Variants in GFRA2 observed in about 807,000 individuals in gnomAD.
The protein encoded by GFRA2 is GDNF family receptor alpha-2.
GFRA2 carries 17 observed loss-of-function variants against 48.3 expected under a neutral mutation model. The ratio of observed to expected loss-of-function variants is 0.35; its 90% CI spans 0.24 to 0.53. The LOEUF is 0.53. Among genes scored for constraint, GFRA2 ranks in the 20% least tolerant of loss-of-function variants. The pLI is 0.93. For missense variants in GFRA2, 660 were observed against 637.3 expected (o/e 1.04, Z -0.38); for synonymous variants, 305 against 257.2 (o/e 1.19, Z -1.78).
intron 4 of GFRA2, among the ~76,000 whole-genome samples, chr8:21,716,518 T>C (rs1186705658): frequency 1.3e-5 from 2 of 151,908 alleles, no homozygotes; most frequent in Non-Finnish European, 2.9e-5. Flanking sequence ...TGGCCAGAAG[T>C]AGGCAGGCAA....
intron 7 of GFRA2, among the ~76,000 whole-genome samples, chr8:21,700,516 T>G (rs969945874): frequency 3.3e-5 from 5 of 152,124 alleles, no homozygotes; most frequent in Non-Finnish European, 7.4e-5. Flanking sequence ...GGAGCAGATT[T>G]GGAGGAGGAG....
At chr8:21,802,766 AT>A (rs1807793890) in intron 2 of GFRA2, among the ~76,000 whole-genome samples, 1 of 152,214 alleles carries the variant, frequency 6.6e-6, no homozygotes, top group Non-Finnish European at 1.5e-5. Flanking sequence ...GAATTATGGT[AT>A]AGTGGGGAGA....
intron 4 of GFRA2, among the ~76,000 whole-genome samples, chr8:21,727,537 G>A (rs1024771609): frequency 5.3e-5 from 8 of 152,094 alleles, no homozygotes; most frequent in African/African-American, 1.9e-4. Flanking sequence ...TCCCCATCAC[G>A]GCCCCCCCCA....
chr8:21,715,730 C>G (rs1290597512), intron 4 of GFRA2, among the ~76,000 whole-genome samples: 1 of 152,192 alleles, frequency 6.6e-6, no homozygotes, highest in Non-Finnish European at 1.5e-5. Flanking sequence ...CTAAAGTTTT[C>G]CTAATGGGGC....
chr8:21,804,843 T>C (rs1487509971), intron 2 of GFRA2, among the ~76,000 whole-genome samples: 1 of 152,148 alleles, frequency 6.6e-6, no homozygotes, highest in East Asian at 1.9e-4. Context: ...GAATGGCCCC[T>C]ACTGCCCTTT....
rs540240365 is a variant in GFRA2, at chr8:21,741,548, C to CAGTATTCTGT, written c.794+9039_794+9040insACAGAATACT. 1.1e-4 allele frequency among the ~76,000 whole-genome samples: 17 copies of CAGTATTCTGT among 152,236 alleles called. No homozygotes were observed. The East Asian group carries it at 3.3e-3, about 29-fold the overall frequency. On this transcript the variant is annotated intron_variant, in intron 4 of 8. Transcript: ENST00000524240. ...CTGTCAGCTCCAAGGGGGCAGAGAC[C>CAGTATTCTGT]ACTGACACTGTATTCTCCAGGGGGT...
chr8:21,782,418 G>T (rs1199807363), intron 2 of GFRA2, among the ~76,000 whole-genome samples, 167 bp downstream of exon 2: 7 of 151,754 alleles, frequency 4.6e-5, no homozygotes, highest in African/African-American at 1.7e-4. Context: ...ACCCTCCTAG[G>T]TGGGGCGGCG....
At chr8:21,732,489 G>A (rs1054949071) in intron 4 of GFRA2, among the ~76,000 whole-genome samples, 3 of 152,212 alleles carry the variant, frequency 2.0e-5, no homozygotes, top group Admixed American at 6.5e-5. Context: ...CAAATCCAGG[G>A]TCTTTGGAGT....
intron 4 of GFRA2, among the ~76,000 whole-genome samples, chr8:21,729,753 C>T (rs1425607881): frequency 6.6e-6 from 1 of 152,128 alleles, no homozygotes; most frequent in Non-Finnish European, 1.5e-5. Flanking sequence ...GTCTCCCCTC[C>T]CTCCCACCGC....
intron 3 of GFRA2, among the ~76,000 whole-genome samples, chr8:21,771,548 G>A (rs1806439212): frequency 6.6e-6 from 1 of 152,190 alleles, no homozygotes; most frequent in Non-Finnish European, 1.5e-5. Context: ...CTTCCCCAAG[G>A]CTTCTGGACA....
chr8:21,809,565 G>A (rs1284724651), intron 1 of GFRA2, among the ~76,000 whole-genome samples: 1 of 152,110 alleles, frequency 6.6e-6, no homozygotes, highest in African/African-American at 2.4e-5. Context: ...CTGACCTCGT[G>A]ATCCGCCCGC....
chr8:21,707,951 T>C (rs1374979199), intron 4 of GFRA2, among the ~76,000 whole-genome samples: 2 of 152,122 alleles, frequency 1.3e-5, no homozygotes, highest in Non-Finnish European at 2.9e-5. Flanking sequence ...TGACAAGCAG[T>C]TATTATTATC....
chr8:21,762,279 C>T (rs1046063872), intron 3 of GFRA2, among the ~76,000 whole-genome samples: 2 of 152,140 alleles, frequency 1.3e-5, no homozygotes, highest in African/African-American at 4.8e-5. Context: ...TCCCCGTCCC[C>T]AGGAGCTGGC....
At chr8:21,766,495 T>A (rs888032485) in intron 3 of GFRA2, among the ~76,000 whole-genome samples, 1 of 151,770 alleles carries the variant, frequency 6.6e-6, no homozygotes, top group Admixed American at 6.6e-5. Context: ...ACACCTTCCC[T>A]CTGAGCCTAA....
intron 4 of GFRA2, among the ~76,000 whole-genome samples, chr8:21,706,595 C>T (rs756239969): frequency 6.6e-6 from 1 of 152,158 alleles, no homozygotes; most frequent in African/African-American, 2.4e-5. Flanking sequence ...GGCATCCTCC[C>T]CTGGTCTCTT....
rs78061509 is a variant in GFRA2, at chr8:21,699,579, C to T, written c.1218+3226G>A. On this transcript the variant is annotated intron_variant, in intron 7 of 8. Coordinates refer to ENST00000524240, the MANE Select transcript of GFRA2 (RefSeq NM_001495.5). ...CAGGCCATGGCCAGGAAAGCACCAA[C>T]CATCGCCCGTCTCCCTGCAGCCCTC... Among the ~76,000 whole-genome samples, 214 of 152,292 alleles carry T rather than the reference C, an allele frequency of 1.4e-3. 2 individuals are homozygous for T. Among genetic ancestry groups the T allele is most frequent in the African/African-American group, 4.8e-3 (201 of 41,556 alleles).
intron 4 of GFRA2, among the ~76,000 whole-genome samples, chr8:21,738,516 T>G (rs77794910): frequency 8.5e-4 from 129 of 152,122 alleles, no homozygotes; most frequent in African/African-American, 2.9e-3. Flanking sequence ...AAAACACTAG[T>G]TGAATCATGT....
chr8:21,801,868 T>C (rs2117114644), intron 2 of GFRA2, among the ~76,000 whole-genome samples: 1 of 152,238 alleles, frequency 6.6e-6, no homozygotes, highest in African/African-American at 2.4e-5. Context: ...AGCACGCCCC[T>C]TGGATAGGAC....
intron 3 of GFRA2, among the ~76,000 whole-genome samples, chr8:21,762,076 G>A (rs1413864394): frequency 1.3e-5 from 2 of 152,078 alleles, no homozygotes; most frequent in Non-Finnish European, 1.5e-5. Flanking sequence ...CTTGTGCTCC[G>A]GCCTCTACAC....
Sources: allele counts gnomAD v4.1 joint callset (sites outside exome capture counted in the v4.1 genomes callset), GRCh38; gene constraint gnomAD v4.1.1; transcripts MANE v1.5; gene names NCBI Gene and HGNC (gene_info 2026-07-23, HGNC 2026-07-21).